SUMF1: variants seen among roughly 807,000 people sequenced by gnomAD.
SUMF1 encodes the protein formylglycine-generating enzyme.
A neutral mutation model predicts 47.6 loss-of-function variants in SUMF1; 48 were observed. The observed-to-expected ratio is 1.01, with a 90% CI of 0.80 to 1.28. The LOEUF (loss-of-function observed/expected upper bound fraction) is 1.28. Among genes scored for constraint, SUMF1 ranks in the 50% most tolerant of loss-of-function variants. The pLI, the probability that SUMF1 is intolerant of heterozygous loss-of-function variation, is 0.00. For missense variants in SUMF1, 571 were observed against 485.4 expected, an observed-to-expected ratio of 1.18 and a Z score of -1.66; for synonymous variants, 230 against 192.1, an observed-to-expected ratio of 1.20 and a Z score of -1.63.
chr3:4,178,723 T>G (rs1207791131), intron 8 of SUMF1, among the ~76,000 whole-genome samples: 1 of 152,178 alleles, frequency 6.6e-6, no homozygotes, highest in East Asian at 1.9e-4. Context: ...ATAAAGGGTA[T>G]TCAATTAGGA....
At chr3:4,072,892 C>G (rs1457055658) in intron 8 of SUMF1, among the ~76,000 whole-genome samples, 1 of 152,134 alleles carries the variant, frequency 6.6e-6, no homozygotes, top group East Asian at 1.9e-4. Flanking sequence ...GAGAATGGAA[C>G]CAAGTTAGAA....
chr3:4,194,490 C>G (rs1336225494), intron 8 of SUMF1, among the ~76,000 whole-genome samples: 1 of 152,126 alleles, frequency 6.6e-6, no homozygotes, highest in Non-Finnish European at 1.5e-5. Flanking sequence ...TGGAGAAAAG[C>G]CCACCGTCTG....
intron 8 of SUMF1, among the ~76,000 whole-genome samples, chr3:4,220,639 G>C (rs997075575): frequency 1.3e-5 from 2 of 151,910 alleles, no homozygotes; most frequent in African/African-American, 2.4e-5. Context: ...TCTCATAGCA[G>C]ATGCTAAAAT....
chr3:4,191,314 C>T (rs559621593), intron 8 of SUMF1, among the ~76,000 whole-genome samples: 16 of 152,274 alleles, frequency 1.1e-4, no homozygotes, highest in Non-Finnish European at 1.3e-4. Context: ...CAGCAAGCCA[C>T]ACTTTGGTGC....
intron 3 of SUMF1, among the ~76,000 whole-genome samples, chr3:4,422,954 T>C (rs1478430103): frequency 6.6e-6 from 1 of 152,058 alleles, no homozygotes; most frequent in East Asian, 1.9e-4. Context: ...TTCCCCTGAG[T>C]CCCCAAAGTC....
At chr3:4,182,141 C>A (rs1321835540) in intron 8 of SUMF1, among the ~76,000 whole-genome samples, 3 of 152,030 alleles carry the variant, frequency 2.0e-5, no homozygotes, top group African/African-American at 7.2e-5. Context: ...GTCTTCAGAG[C>A]TTTATAAGTT....
At chr3:4,250,048 G>C (rs1313345989) in intron 8 of SUMF1, among the ~76,000 whole-genome samples, 2 of 152,166 alleles carry the variant, frequency 1.3e-5, no homozygotes, top group East Asian at 3.9e-4. Flanking sequence ...GCCAGGCATA[G>C]TGGCACACAC....
chr3:4,197,875 G>A (rs1301670939), intron 8 of SUMF1, among the ~76,000 whole-genome samples: 1 of 152,052 alleles, frequency 6.6e-6, no homozygotes, highest in Non-Finnish European at 1.5e-5. Flanking sequence ...GATCCATGGG[G>A]TATCCATTCA....
At chr3:4,152,462 T>C (rs1380876237) in intron 8 of SUMF1, among the ~76,000 whole-genome samples, 1 of 150,930 alleles carries the variant, frequency 6.6e-6, no homozygotes, top group Non-Finnish European at 1.5e-5. Context: ...TTTGCTTTTT[T>C]TTTTTCTTTT....
chr3:4,127,014 T>C (rs372856313), intron 8 of SUMF1, among the ~76,000 whole-genome samples: 1 of 152,118 alleles, frequency 6.6e-6, no homozygotes, highest in African/African-American at 2.4e-5. Flanking sequence ...AAAGTAAAGA[T>C]TGCTTCCAAG....
chr3:4,114,572 T>C (rs1268813448), intron 8 of SUMF1, among the ~76,000 whole-genome samples: 1 of 151,980 alleles, frequency 6.6e-6, no homozygotes, highest in African/African-American at 2.4e-5. Flanking sequence ...GTAAGTACTT[T>C]AAGTGGCCAA....
chr3:4,194,977 T>C lies in SUMF1; in HGVS notation c.1015-126232A>G, dbSNP rs1157237691. ...AGGCTGTCTGCCAAAACTGATGATT[T>C]AGGTTTTGAAGTCACTTATTTAAAG... is the stretch of plus-strand genomic sequence containing the variant. On this transcript the variant is annotated intron_variant and NMD_transcript_variant, in intron 8 of 12. Coordinates refer to the SUMF1 transcript ENST00000448413. 1.2e-3 allele frequency among the ~76,000 whole-genome samples: 185 copies of C among 152,144 alleles called. 2 individuals carry two copies. The highest frequency in any genetic ancestry group is 0.012 in the Admixed American group (184 of 15,256).
rs531448607 is a variant in SUMF1 at position 4,217,764 on chromosome 3, A to T, written c.1015-149019T>A. On this transcript the variant is annotated intron_variant and NMD_transcript_variant, in intron 8 of 12. Transcript: ENST00000448413. ...CAAAATTTCTTAGCTATTTTTTTTT[A>T]AAACACAAGAAAAGAATAAGATATA... 6.7e-5 allele frequency among the ~76,000 whole-genome samples: 10 copies of T among 150,358 alleles called. 1 individual carries two copies. Among genetic ancestry groups the T allele is most frequent in the African/African-American group, 2.2e-4 (9 of 40,946 alleles).
intron 8 of SUMF1, among the ~76,000 whole-genome samples, chr3:4,079,272 T>C (rs150602175): frequency 6.6e-6 from 1 of 152,242 alleles, no homozygotes; most frequent in East Asian, 1.9e-4. Context: ...CACACCAGAA[T>C]CTTAGAGTTG....
chr3:4,397,259 T>C (rs1701068887), intron 7 of SUMF1, among the ~76,000 whole-genome samples: 1 of 152,190 alleles, frequency 6.6e-6, no homozygotes, highest in Non-Finnish European at 1.5e-5. Context: ...AAAGGCAACT[T>C]CTAGGTCAAC....
At chr3:4,331,784 C>T (rs1200430487) in intron 8 of SUMF1, among the ~76,000 whole-genome samples, 1 of 152,104 alleles carries the variant, frequency 6.6e-6, no homozygotes, top group Non-Finnish European at 1.5e-5. Flanking sequence ...GAGCCAAGAT[C>T]GCGCCACTGC....
At chr3:4,046,724 C>T (rs180708480) in intron 9 of SUMF1, among the ~76,000 whole-genome samples, 1 of 152,252 alleles carries the variant, frequency 6.6e-6, no homozygotes. Flanking sequence ...CACTATCTCT[C>T]AATTAGACTA....
chr3:4,310,185 G>A (rs981401224), intron 8 of SUMF1, among the ~76,000 whole-genome samples: 5 of 152,166 alleles, frequency 3.3e-5, no homozygotes, highest in Admixed American at 3.3e-4. Context: ...TCATTATGCA[G>A]CACATGACTA....
intron 8 of SUMF1, among the ~76,000 whole-genome samples, chr3:4,236,612 A>C (rs908873347): frequency 6.6e-6 from 1 of 151,936 alleles, no homozygotes; most frequent in Non-Finnish European, 1.5e-5. Context: ...TAAATAAACA[A>C]ACTTTGTTCT....
Sources: allele counts gnomAD v4.1 joint callset (sites outside exome capture counted in the v4.1 genomes callset), GRCh38; gene constraint gnomAD v4.1.1; transcripts MANE v1.5; gene names NCBI Gene and HGNC (gene_info 2026-07-23, HGNC 2026-07-21).